Variants in CR1 observed in about 807,000 individuals in gnomAD.
CR1 encodes complement receptor type 1.
Under a neutral mutation model 187.3 loss-of-function variants are expected in CR1, and 116 were observed. The ratio of observed to expected loss-of-function variants is 0.62; its 90% confidence interval spans 0.53 to 0.72. The LOEUF (loss-of-function observed/expected upper bound fraction) is 0.72, where lower values mean the gene tolerates loss of function less well. Among genes scored for constraint, CR1 ranks in the 30% least tolerant of loss-of-function variants. The pLI is 0.00. For missense variants in CR1, 1,731 were observed against 2,110.7 expected (o/e 0.82, Z 3.52); for synonymous variants, 576 against 747.1 (o/e 0.77, Z 3.73).
At chr1:207,595,231 ATACACACAAACACAC>A (rs1241274004) in intron 35 of CR1, among the ~76,000 whole-genome samples, 3 of 151,978 alleles carry the variant, frequency 2.0e-5, no homozygotes, top group Non-Finnish European at 4.4e-5. Context: ...TGACACATAT[ATACACACAAACACAC>A]TACACACAAA....
chr1:207,609,278 TC>T lies in CR1; in HGVS notation c.5897-10del, dbSNP rs1266043124. On this transcript the variant is annotated splice_polypyrimidine_tract_variant and intron_variant, in intron 36 of 46. Transcript: ENST00000367049. ...AAAATAAGCTGTTTTACCATACTCTTCCTTCTCTCAGTCATATCTTGTGAGC... is the reference window on the plus strand; with the variant it reads ...AAAATAAGCTGTTTTACCATACTCTTCTTCTCTCAGTCATATCTTGTGAGC... 6.3e-7 allele frequency: 1 copy of T among 1,577,900 alleles called. No homozygotes were observed. Among genetic ancestry groups the T allele is most frequent in the Non-Finnish European group, 8.6e-7 (1 of 1,159,978 alleles).
intron 42 of CR1, among the ~76,000 whole-genome samples, chr1:207,619,050 A>AAAAAAAAAG (rs1662232795): frequency 7.2e-6 from 1 of 139,050 alleles, no homozygotes; most frequent in Non-Finnish European, 1.5e-5. Context: ...AAAAAAAAAA[A>AAAAAAAAAG]AAAAAGAAAA....
intron 41 of CR1, 113 bp downstream of exon 41, chr1:207,616,915 T>A (rs1402264232): frequency 7.0e-7 from 1 of 1,434,088 alleles, no homozygotes; most frequent in Non-Finnish European, 9.4e-7. Flanking sequence ...GCTGTAACTG[T>A]CAGAGACAGA....
rs1659759121 is a variant in CR1 at position 207,515,176 on chromosome 1, T to TAA, written c.487+3523_487+3524insAA. On this transcript the variant is annotated intron_variant, in intron 4 of 46. Coordinates refer to ENST00000367049, the MANE Select transcript of CR1 (RefSeq NM_000651.6). ...ATATACATATACATATATAGGTATA[T>TAA]ACATATATACGTATATATACATATA... Among the ~76,000 whole-genome samples the TAA allele has an allele frequency of 1.5e-4, 2 of 13,646 alleles. 1 individual carries two copies. Among genetic ancestry groups the TAA allele is most frequent in the Non-Finnish European group, 6.0e-4 (2 of 3,338 alleles). 9.0% of individuals were successfully genotyped at this position (13,646 alleles called of 152,430 possible).
At chr1:207,510,118 A>T (rs113911384) in intron 3 of CR1, among the ~76,000 whole-genome samples, 4,810 of 152,126 alleles carry the variant, frequency 0.032, 254 homozygotes, top group African/African-American at 0.11. Context: ...GAGGCAGGAG[A>T]ATCTCTTGAA....
chr1:207,598,340 G>A (rs957766695), intron 35 of CR1, among the ~76,000 whole-genome samples: 1 of 151,758 alleles, frequency 6.6e-6, no homozygotes, highest in Non-Finnish European at 1.5e-5. Flanking sequence ...AGAAAAATAA[G>A]AATTTAAAAC....
intron 4 of CR1, among the ~76,000 whole-genome samples, chr1:207,523,163 T>C (rs999116394): frequency 1.1e-4 from 16 of 152,204 alleles, no homozygotes; most frequent in African/African-American, 3.9e-4. Context: ...TAAAAATATG[T>C]TTAAATTCTT....
Position 207,564,021 on chromosome 1 carries a change from T to C in CR1, c.3744T>C (p.Pro1248=). ...GCACACCCCAGGGAGACTGGAGCCC[T>C]GCAGCCCCCACATGTGAAGGTGACT... The part of the protein sequence containing the change: ...MRCTPQGDWS[P]AAPTCEVKSC... Residue 1248 remains proline (P), a synonymous_variant, in exon 22 of 47, where the codon CCT becomes CCC. Coordinates refer to ENST00000367049, the MANE Select transcript of CR1 (RefSeq NM_000651.6). 1 of 1,526,522 alleles carries C rather than the reference T, an allele frequency of 6.6e-7. No individual in the cohort carries two copies. The highest frequency in any genetic ancestry group is 8.7e-7 in the Non-Finnish European group (1 of 1,150,776). The allele number at this position is 1,526,522 out of a possible 1,614,324, so 94.6% of individuals were successfully genotyped here.
At chr1:207,619,740 G>A in intron 42 of CR1, 140 bp from the exon 43 acceptor site, 1 of 655,612 alleles carries the variant, frequency 1.5e-6, no homozygotes, top group Non-Finnish European at 2.6e-6. Context: ...TTTGGAGGAG[G>A]AAGATTAGTA....
At chr1:207,514,081 T>C (rs1659710846) in intron 4 of CR1, among the ~76,000 whole-genome samples, 1 of 152,180 alleles carries the variant, frequency 6.6e-6, no homozygotes, top group Non-Finnish European at 1.5e-5. Context: ...CATATATTGA[T>C]GTAATCATAT....
chr1:207,625,567 G>A (rs1662454381), intron 45 of CR1, among the ~76,000 whole-genome samples: 1 of 152,214 alleles, frequency 6.6e-6, no homozygotes, highest in South Asian at 2.1e-4. Flanking sequence ...TTGCAGTAAA[G>A]AAAGAGATGA....
intron 45 of CR1, among the ~76,000 whole-genome samples, chr1:207,623,996 G>A (rs2102406884): frequency 7.5e-6 from 1 of 133,014 alleles, no homozygotes; most frequent in South Asian, 2.4e-4. Context: ...CACGATCTTG[G>A]CTCACTGCAA....
At chr1:207,608,523 C>G (rs1049520638) in intron 36 of CR1, among the ~76,000 whole-genome samples, 2 of 152,046 alleles carry the variant, frequency 1.3e-5, no homozygotes, top group African/African-American at 4.8e-5. Flanking sequence ...TTCTTCCCCC[C>G]CAAATTAACA....
chr1:207,587,885 C>T (rs1210224222), intron 34 of CR1, among the ~76,000 whole-genome samples: 1 of 152,206 alleles, frequency 6.6e-6, no homozygotes, highest in Admixed American at 6.5e-5. Flanking sequence ...GTTCCTGAAC[C>T]TTGACTAGAT....
At chr1:207,594,669 A>G (rs768670997) in intron 35 of CR1, among the ~76,000 whole-genome samples, 40 of 152,308 alleles carry the variant, frequency 2.6e-4, no homozygotes, top group Non-Finnish European at 5.1e-4. Flanking sequence ...AACATGATAT[A>G]TATTAAATTT....
intron 5 of CR1, among the ~76,000 whole-genome samples, chr1:207,525,450 G>C (rs1660137614): frequency 6.6e-6 from 1 of 151,990 alleles, no homozygotes; most frequent in African/African-American, 2.4e-5. Flanking sequence ...AGTGCTGCAG[G>C]AGCCACCACT....
At chr1:207,621,086 C>T (rs1426091921) in intron 43 of CR1, among the ~76,000 whole-genome samples, 1 of 151,976 alleles carries the variant, frequency 6.6e-6, no homozygotes, top group Non-Finnish European at 1.5e-5. Flanking sequence ...CCAGCCTGGC[C>T]AACATGGTGA....
rs552035837 is a variant in CR1 at position 207,567,918 on chromosome 1, A to C, written c.4047A>C (p.Thr1349=). The change falls in exon 25 of 47, where the codon ACA becomes ACC. Residue 1349 remains threonine, a synonymous_variant. Coordinates refer to ENST00000367049, the MANE Select transcript of CR1 (RefSeq NM_000651.6). The part of the protein sequence containing the change: ...VFPFGKAVNY[T]CDPHPDRGTS... ...CCTTTGGAAAAGCAGTAAATTACAC[A>C]TGCGACCCCCACCCAGACAGAGGGA... 1.1e-4 allele frequency: 180 copies of C among 1,610,726 alleles called. 1 individual carries two copies. The South Asian group carries it at 1.9e-3, about 17-fold the overall frequency.
intron 23 of CR1, among the ~76,000 whole-genome samples, chr1:207,565,500 G>A (rs184593514): frequency 6.0e-5 from 9 of 150,232 alleles, no homozygotes; most frequent in Non-Finnish European, 1.2e-4. Flanking sequence ...TTAGAAGACT[G>A]GGTTTCTAAT....
Sources: allele counts gnomAD v4.1 joint callset (sites outside exome capture counted in the v4.1 genomes callset), GRCh38; gene constraint gnomAD v4.1.1; transcripts MANE v1.5; gene names NCBI Gene and HGNC (gene_info 2026-07-23, HGNC 2026-07-21).